Variants in CFAP20 observed in about 807,000 individuals in gnomAD.
The protein encoded by CFAP20 is cilia- and flagella-associated protein 20.
In CFAP20, 14 loss-of-function variants were observed where a neutral mutation model predicts 25.5. That is an observed-to-expected ratio of 0.55 (90% CI 0.36 to 0.86). CFAP20 has a LOEUF of 0.86. CFAP20 is among the 40% of genes least tolerant of loss of function. The pLI is 0.01. For synonymous variants in CFAP20, 75 were observed against 91.1 expected, an observed-to-expected ratio of 0.82 and a Z score of 1.01; for missense variants, 181 against 248.0, an observed-to-expected ratio of 0.73 and a Z score of 1.81.
intron 5 of CFAP20, among the ~76,000 whole-genome samples, chr16:58,114,468 G>C (rs1960428798): frequency 1.3e-5 from 2 of 151,616 alleles, no homozygotes; most frequent in Admixed American, 6.6e-5. Context: ...AGAGGTTGCA[G>C]TGAGCTGAGA....
At chr16:58,114,531 A>G (rs1473758211) in intron 5 of CFAP20, among the ~76,000 whole-genome samples, 1 of 152,266 alleles carries the variant, frequency 6.6e-6, no homozygotes, top group Non-Finnish European at 1.5e-5. Flanking sequence ...ATCTCAAAAA[A>G]AAAAAAAAGT....
At chr16:58,120,918 T>C (rs927895032) in intron 1 of CFAP20, among the ~76,000 whole-genome samples, 1 of 152,180 alleles carries the variant, frequency 6.6e-6, no homozygotes, top group African/African-American at 2.4e-5. Context: ...AGTATCCCCA[T>C]GTGAAAAGTC....
intron 5 of CFAP20, among the ~76,000 whole-genome samples, chr16:58,114,525 C>CAA (rs57272078): frequency 2.3e-5 from 3 of 128,986 alleles, no homozygotes; most frequent in African/African-American, 5.8e-5. Flanking sequence ...GACTCCATCT[C>CAA]AAAAAAAAAA....
chr16:58,114,701 G>C lies in CFAP20; in HGVS notation c.576+109C>G. The C allele has an allele frequency of 3.7e-6, 3 of 806,496 alleles. No homozygotes were observed. In the East Asian group the frequency reaches 7.6e-5, roughly 21 times the overall value. The allele number at this position is 806,496 out of a possible 1,614,324, so 50.0% of individuals were successfully genotyped here. ...TCTTGCGATATAAAGGCACCCCAAA[G>C]TGTCAACACAGAGAGGCTCTGCAGC... On this transcript the variant is annotated intron_variant, in intron 5 of 5. Coordinates refer to ENST00000262498, the MANE Select transcript of CFAP20 (RefSeq NM_013242.3).
chr16:58,122,532 A>T (rs1960547717), intron 1 of CFAP20, among the ~76,000 whole-genome samples: 1 of 152,170 alleles, frequency 6.6e-6, no homozygotes, highest in Admixed American at 6.5e-5. Context: ...CAGTAAGCTG[A>T]GATTGTGCCA....
intron 1 of CFAP20, among the ~76,000 whole-genome samples, chr16:58,127,795 C>T (rs1193724184): frequency 6.6e-6 from 1 of 152,174 alleles, no homozygotes; most frequent in Non-Finnish European, 1.5e-5. Context: ...ACTATGGACA[C>T]ACCATCCTAA....
intron 1 of CFAP20, among the ~76,000 whole-genome samples, chr16:58,128,549 C>T (rs1960653776): frequency 6.6e-6 from 1 of 152,196 alleles, no homozygotes; most frequent in Admixed American, 6.5e-5. Flanking sequence ...GGCTCTGTGT[C>T]TAGTGCCCAG....
chr16:58,116,296 C>T, intron 2 of CFAP20, 144 bp from the exon 3 acceptor site: 1 of 576,584 alleles, frequency 1.7e-6, no homozygotes, highest in South Asian at 2.7e-5. Context: ...TCCCTCAGCC[C>T]TAAGTCAGCG....
chr16:58,115,836 A>C lies in CFAP20; in HGVS notation c.276+205T>G, dbSNP rs1225701702. 4.8e-5 allele frequency: 25 copies of C among 518,308 alleles called. 1 individual carries two copies. The highest frequency in any genetic ancestry group is 6.5e-5 in the Non-Finnish European group (19 of 292,556). 32.1% of individuals were successfully genotyped at this position (518,308 alleles called of 1,614,324 possible). A position where few individuals can be genotyped will look rare whatever the true frequency, so the allele number is the denominator to read the frequency against. ...ACACTTTGAAATTACTAGGTTTTCT[A>C]GGTGCTGTTTCTTTAAAAACCTGAT... On this transcript the variant is annotated intron_variant, in intron 3 of 5. Transcript: ENST00000262498.
Position 58,116,955 on chromosome 16 carries a change from C to A in CFAP20, c.85-4G>T. The stretch of plus-strand genomic sequence containing the variant: ...TTTTGATGTGGCCATTCCGTACCTA[C>A]AAGAAAGAAAATTCGATTAGTACTG... On this transcript the variant is annotated splice_polypyrimidine_tract_variant and splice_region_variant and intron_variant, in intron 1 of 5. Coordinates refer to ENST00000262498, the MANE Select transcript of CFAP20 (RefSeq NM_013242.3). 3 of 1,613,500 alleles carry A rather than the reference C, an allele frequency of 1.9e-6. No homozygotes were observed. Among genetic ancestry groups the A allele is most frequent in the Non-Finnish European group, 2.5e-6 (3 of 1,179,486 alleles).
At chr16:58,126,353 C>T (rs979277288) in intron 1 of CFAP20, among the ~76,000 whole-genome samples, 2 of 152,090 alleles carry the variant, frequency 1.3e-5, no homozygotes, top group South Asian at 2.1e-4. Flanking sequence ...AATAAATTGC[C>T]GGTGTGACAA....
chr16:58,127,373 T>C (rs1458089384), intron 1 of CFAP20, among the ~76,000 whole-genome samples: 1 of 152,338 alleles, frequency 6.6e-6, no homozygotes, highest in Non-Finnish European at 1.5e-5. Flanking sequence ...CCTCTCCTCC[T>C]AGGTCAAGTC....
intron 1 of CFAP20, among the ~76,000 whole-genome samples, chr16:58,124,894 G>A (rs1189999208): frequency 6.6e-6 from 1 of 152,170 alleles, no homozygotes; most frequent in Non-Finnish European, 1.5e-5. Flanking sequence ...TTACAGGCAT[G>A]AGCCACTGTG....
At chr16:58,119,644 TCAAA>T (rs1960506357) in intron 1 of CFAP20, among the ~76,000 whole-genome samples, 1 of 152,224 alleles carries the variant, frequency 6.6e-6, no homozygotes, top group Non-Finnish European at 1.5e-5. Context: ...GAAACGATTC[TCAAA>T]CAAAGCTGGC....
At chr16:58,124,167 A>T (rs1960577644) in intron 1 of CFAP20, among the ~76,000 whole-genome samples, 1 of 152,222 alleles carries the variant, frequency 6.6e-6, no homozygotes, top group Non-Finnish European at 1.5e-5. Context: ...AGCATGGGTT[A>T]TGTGGCCTTA....
chr16:58,126,367 C>G (rs1328144995), intron 1 of CFAP20, among the ~76,000 whole-genome samples: 4 of 152,198 alleles, frequency 2.6e-5, no homozygotes, highest in African/African-American at 7.2e-5. Context: ...GTGACAAACA[C>G]TAACGAACAA....
At chr16:58,116,273 G>A (rs766197503) in intron 2 of CFAP20, 121 bp from the exon 3 acceptor site, 6 of 645,768 alleles carry the variant, frequency 9.3e-6, no homozygotes, top group Admixed American at 2.9e-5. Flanking sequence ...ATTCAGACAC[G>A]CCACCCAGTG....
At chr16:58,122,702 A>T (rs1309752520) in intron 1 of CFAP20, among the ~76,000 whole-genome samples, 2 of 152,350 alleles carry the variant, frequency 1.3e-5, no homozygotes, top group Admixed American at 1.3e-4. Context: ...TTTATGTCCA[A>T]ATACACTCAA....
chr16:58,125,637 T>C (rs1315568134), intron 1 of CFAP20, among the ~76,000 whole-genome samples: 1 of 152,118 alleles, frequency 6.6e-6, no homozygotes, highest in African/African-American at 2.4e-5. Context: ...TGAGCCCTGA[T>C]TGCACTACTG....
Sources: allele counts gnomAD v4.1 joint callset (sites outside exome capture counted in the v4.1 genomes callset), GRCh38; gene constraint gnomAD v4.1.1; transcripts MANE v1.5; gene names NCBI Gene and HGNC (gene_info 2026-07-23, HGNC 2026-07-21).